KLF8: variants seen among roughly 807,000 people sequenced by gnomAD.
The protein encoded by KLF8 is KLF transcription factor 8.
In KLF8, 10 loss-of-function variants were observed where a neutral mutation model predicts 18.2. The observed-to-expected ratio is 0.55, with a 90% CI of 0.34 to 0.93. The LOEUF is 0.93. KLF8 is among the 40% of genes least tolerant of loss of function. The probability of loss-of-function intolerance (pLI) is 0.02; values close to 1 mark genes in which losing one functional copy is unlikely to be tolerated. For missense variants in KLF8, 264 were observed against 277.9 expected, an observed-to-expected ratio of 0.95 and a Z score of 0.36; for synonymous variants, 109 against 97.3, an observed-to-expected ratio of 1.12 and a Z score of -0.71.
At chrX:56,055,765 T>A in the KLF8 span, among the ~76,000 whole-genome samples, 135 of 111,859 alleles carry the variant, frequency 1.2e-3, no homozygotes, top group African/African-American at 3.9e-3. Context: ...TTGATTTTTT[T>A]AATTTTTTTT....
chrX:55,914,460 T>C, the KLF8 span, among the ~76,000 whole-genome samples: 1 of 112,004 alleles, frequency 8.9e-6, no homozygotes, highest in African/African-American at 3.2e-5. Context: ...AAATTCACAA[T>C]AGTTATGCTC....
the KLF8 span, among the ~76,000 whole-genome samples, chrX:56,016,918 A>T: frequency 1.8e-5 from 2 of 112,061 alleles, no homozygotes; most frequent in Admixed American, 9.5e-5. Flanking sequence ...GTGAAATACC[A>T]TGTGGATATG....
At chrX:56,097,073 G>T in the KLF8 span, among the ~76,000 whole-genome samples, 5 of 111,276 alleles carry the variant, frequency 4.5e-5, no homozygotes, top group African/African-American at 1.6e-4. Context: ...AGCAAATCAG[G>T]TTCAACCATG....
chrX:56,183,782 GCTAA>G, the KLF8 span, among the ~76,000 whole-genome samples: 10 of 111,991 alleles, frequency 8.9e-5, no homozygotes, highest in East Asian at 1.1e-3. Flanking sequence ...AAATGGCAAG[GCTAA>G]CTATTTACTT....
At chrX:56,246,381 G>C (rs1216613959) in intron 1 of KLF8, among the ~76,000 whole-genome samples, 1 of 112,048 alleles carries the variant, frequency 8.9e-6, no homozygotes, top group African/African-American at 3.2e-5. Flanking sequence ...CTATTGAAGG[G>C]CTCACCTGGT....
At chrX:56,117,012 A>G in the KLF8 span, among the ~76,000 whole-genome samples, 7 of 110,998 alleles carry the variant, frequency 6.3e-5, no homozygotes, top group South Asian at 2.7e-3. Context: ...ATGATGGCTC[A>G]TGTCTGTAAT....
chrX:56,217,963 T>TCACCA, the KLF8 span, among the ~76,000 whole-genome samples: 1 of 110,609 alleles, frequency 9.0e-6, no homozygotes, highest in Non-Finnish European at 1.9e-5. Flanking sequence ...GAATCACTAC[T>TCACCA]GGGGATGGAA....
At chrX:56,040,800 C>CT in the KLF8 span, among the ~76,000 whole-genome samples, 1 of 6,038 alleles carries the variant, frequency 1.7e-4, no homozygotes, top group African/African-American at 3.2e-4. Context: ...ATGATACCAG[C>CT]TTTTTTTTTT....
the KLF8 span, among the ~76,000 whole-genome samples, chrX:55,914,906 A>G: frequency 2.7e-5 from 3 of 111,517 alleles, no homozygotes; most frequent in East Asian, 8.4e-4. Context: ...GCTATTCTTT[A>G]CTATTCAAAA....
At chrX:56,019,861 T>G in the KLF8 span, among the ~76,000 whole-genome samples, 1 of 111,667 alleles carries the variant, frequency 9.0e-6, no homozygotes, top group African/African-American at 3.3e-5. Context: ...TTCAGAGAAC[T>G]GTGGTAGGTC....
chrX:56,056,967 T>G, the KLF8 span, among the ~76,000 whole-genome samples: 1 of 111,760 alleles, frequency 8.9e-6, no homozygotes, highest in Non-Finnish European at 1.9e-5. Flanking sequence ...TCTGTTCGTT[T>G]TTGCATGTGC....
chrX:56,270,205 A>G lies in KLF8; in HGVS notation c.782A>G (p.Gln261Arg). ...AGACCAGCAGCAATGGCCCAAATGC[A>G]GGGAGAAGAGTCGCTTGACTTGAAG... The part of the protein sequence containing the change: ...QQEPAAMAQM[Q>R]GEESLDLKRR... The change falls in exon 5 of 6, where the codon CAG becomes CGG. Residue 261 changes from glutamine (Q) to arginine (R), a missense_variant. This residue lies in a region of KLF8 where 221 missense variants were observed against 193.6 expected (regional missense o/e 1.14). Transcript: ENST00000468660. 8.3e-7 allele frequency: 1 copy of G among 1,209,684 alleles called. No homozygotes were observed. Among genetic ancestry groups the G allele is most frequent in the East Asian group, 3.0e-5 (1 of 33,806 alleles).
At chrX:56,231,798 G>C (rs1048048386), upstream of KLF8, among the ~76,000 whole-genome samples, 5 of 111,332 alleles carry the variant, frequency 4.5e-5, no homozygotes, top group African/African-American at 1.3e-4. Flanking sequence ...TTAGAGGTCT[G>C]GTATCTGGGA....
At chrX:55,910,043 G>T in the KLF8 span, among the ~76,000 whole-genome samples, 1 of 111,768 alleles carries the variant, frequency 8.9e-6, no homozygotes, top group East Asian at 2.8e-4. Context: ...AGGTTTTAGG[G>T]TTCATATTTC....
chrX:56,014,845 A>C, the KLF8 span: 1 of 69,192 alleles, frequency 1.4e-5, no homozygotes, highest in Non-Finnish European at 2.5e-5. Context: ...TTTTTTGCAG[A>C]GATGTGGTTG....
the KLF8 span, among the ~76,000 whole-genome samples, chrX:56,154,441 A>G: frequency 8.9e-6 from 1 of 111,942 alleles, no homozygotes; most frequent in Non-Finnish European, 1.9e-5. Flanking sequence ...TACACCTTAT[A>G]CAAAAATTAA....
the KLF8 span, among the ~76,000 whole-genome samples, chrX:56,097,341 CT>C: frequency 8.7e-3 from 790 of 90,636 alleles, 10 homozygotes; most frequent in African/African-American, 0.026. Context: ...CCCTTTCTTT[CT>C]TTTTTTTTTT....
the KLF8 span, among the ~76,000 whole-genome samples, chrX:56,064,155 G>GTA: frequency 2.9e-5 from 3 of 103,233 alleles, no homozygotes; most frequent in African/African-American, 1.2e-4. Flanking sequence ...ATGTGTGTGT[G>GTA]TGTATATATA....
At chrX:56,147,329 T>C in the KLF8 span, among the ~76,000 whole-genome samples, 1 of 111,880 alleles carries the variant, frequency 8.9e-6, no homozygotes, top group Non-Finnish European at 1.9e-5. Context: ...CTGGGAAAGA[T>C]TGATTTGACT....
Sources: gnomAD v4.1 joint callset for allele counts (sites outside exome capture counted in the v4.1 genomes callset) on GRCh38, gnomAD v4.1.1 for gene constraint, gnomAD v4.1.1 regional missense constraint, MANE v1.5 for transcripts, NCBI Gene and HGNC (gene_info 2026-07-23, HGNC 2026-07-21) for gene names.